AMPH: variants seen among roughly 807,000 people sequenced by gnomAD.
AMPH encodes the protein amphiphysin (Stiff-Mann syndrome with breast cancer 128kD autoantigen).
A neutral mutation model predicts 99.1 loss-of-function variants in AMPH; 49 were observed. The observed-to-expected ratio is 0.49, with a 90% CI of 0.39 to 0.63. The LOEUF (loss-of-function observed/expected upper bound fraction) is 0.63, where lower values mean the gene tolerates loss of function less well. Among genes scored for constraint, AMPH ranks in the 20% least tolerant of loss-of-function variants. The pLI, the probability that AMPH is intolerant of heterozygous loss-of-function variation, is 0.00. For synonymous variants in AMPH, 314 were observed against 317.3 expected, an observed-to-expected ratio of 0.99 and a Z score of 0.11; for missense variants, 759 against 863.4, an observed-to-expected ratio of 0.88 and a Z score of 1.52.
intron 11 of AMPH, among the ~76,000 whole-genome samples, chr7:38,456,846 C>T (rs1412152408): frequency 6.6e-6 from 1 of 152,188 alleles, no homozygotes; most frequent in African/African-American, 2.4e-5. Flanking sequence ...GAGCCAAGCA[C>T]AAGCAATGCT....
chr7:38,625,906 T>C (rs1187326525), intron 1 of AMPH, among the ~76,000 whole-genome samples: 1 of 152,158 alleles, frequency 6.6e-6, no homozygotes, highest in Non-Finnish European at 1.5e-5. Flanking sequence ...GTGCACTTTA[T>C]TCAATAAAAA....
rs1423731934 is a variant in AMPH at position 38,444,980 on chromosome 7, C to CATATATATCCATATATAT, written c.1018-8593_1018-8592insATATATATGGATATATAT. 6.6e-4 allele frequency among the ~76,000 whole-genome samples: 14 copies of CATATATATCCATATATAT among 21,284 alleles called. No homozygotes were observed. In the South Asian group the frequency reaches 6.7e-3, roughly 10 times the overall value. 14.0% of individuals were successfully genotyped at this position (21,284 alleles called of 152,430 possible). On this transcript the variant is annotated intron_variant, in intron 11 of 20. Transcript: ENST00000356264. ...TAATCACATGGTCCAGAAATATATCCATATATATACATATATATATATATA... is the reference window on the plus strand; with the variant it reads ...TAATCACATGGTCCAGAAATATATCCATATATATCCATATATATATATATATACATATATATATATATA...
At chr7:38,597,546 TA>T (rs1363877353) in intron 1 of AMPH, among the ~76,000 whole-genome samples, 1 of 152,166 alleles carries the variant, frequency 6.6e-6, no homozygotes, top group African/African-American at 2.4e-5. Flanking sequence ...CAGAATTAAA[TA>T]CTGTATACAT....
At chr7:38,421,608 T>C (rs772742891) in intron 16 of AMPH, among the ~76,000 whole-genome samples, 13 of 152,326 alleles carry the variant, frequency 8.5e-5, no homozygotes, top group Non-Finnish European at 1.8e-4. Context: ...TTACTTAAAA[T>C]AGTTTAAAAG....
intron 4 of AMPH, 92 bp downstream of exon 4, chr7:38,494,341 G>T: frequency 9.4e-7 from 1 of 1,059,230 alleles, no homozygotes. Flanking sequence ...CTTGCCTCAT[G>T]ATTAAGACTG....
At chr7:38,407,072 ATATATG>A (rs1425422745) in intron 17 of AMPH, among the ~76,000 whole-genome samples, 3 of 32,128 alleles carry the variant, frequency 9.3e-5, no homozygotes, top group Non-Finnish European at 1.2e-4. Context: ...ATATATATAT[ATATATG>A]TGTGTGTGTG....
intron 1 of AMPH, among the ~76,000 whole-genome samples, chr7:38,616,664 A>G (rs1793882809): frequency 6.6e-6 from 1 of 152,264 alleles, no homozygotes. Flanking sequence ...CAATAAAAAA[A>G]GAAGGAACTG....
chr7:38,575,328 T>C (rs1396085402), intron 1 of AMPH, among the ~76,000 whole-genome samples: 1 of 151,966 alleles, frequency 6.6e-6, no homozygotes, highest in Non-Finnish European at 1.5e-5. Context: ...TTTATGAATG[T>C]AGAAAATGGA....
intron 11 of AMPH, among the ~76,000 whole-genome samples, chr7:38,437,337 A>G (rs575576672): frequency 6.6e-6 from 1 of 152,260 alleles, no homozygotes; most frequent in Admixed American, 6.5e-5. Context: ...TCAATATAAA[A>G]TTCTTTTTAA....
chr7:38,386,613 G>A (rs1457247204), intron 20 of AMPH, among the ~76,000 whole-genome samples: 1 of 152,062 alleles, frequency 6.6e-6, no homozygotes, highest in East Asian at 1.9e-4. Flanking sequence ...AACTCCTTCT[G>A]GAGAGAATAA....
chr7:38,622,454 T>TACACATACAC (rs1554379701), intron 1 of AMPH, among the ~76,000 whole-genome samples: 1 of 149,732 alleles, frequency 6.7e-6, no homozygotes, highest in Non-Finnish European at 1.5e-5. Context: ...TATGAATACA[T>TACACATACAC]ACACACACAC....
At chr7:38,453,842 A>T (rs1004489027) in intron 11 of AMPH, among the ~76,000 whole-genome samples, 21 of 152,198 alleles carry the variant, frequency 1.4e-4, no homozygotes, top group Non-Finnish European at 2.8e-4. Flanking sequence ...GAGTAAGGGT[A>T]TTGTTGCCTT....
chr7:38,477,998 G>A (rs554975332), intron 5 of AMPH, among the ~76,000 whole-genome samples: 9 of 152,072 alleles, frequency 5.9e-5, no homozygotes, highest in East Asian at 1.9e-4. Flanking sequence ...GGAAACTCTC[G>A]CTCAAATCCA....
chr7:38,522,856 T>C (rs906047432), intron 2 of AMPH, among the ~76,000 whole-genome samples: 3 of 152,062 alleles, frequency 2.0e-5, no homozygotes, highest in African/African-American at 7.2e-5. Context: ...ACGCCTGTAA[T>C]CCAGCATTTT....
At chr7:38,467,146 C>A (rs1220495277) in intron 7 of AMPH, among the ~76,000 whole-genome samples, 1 of 152,168 alleles carries the variant, frequency 6.6e-6, no homozygotes, top group Non-Finnish European at 1.5e-5. Context: ...CCAGGAAGAT[C>A]AGACCAGAGC....
intron 1 of AMPH, among the ~76,000 whole-genome samples, chr7:38,594,345 G>A (rs199679234): frequency 3.3e-5 from 5 of 152,142 alleles, no homozygotes; most frequent in East Asian, 1.9e-4. Context: ...CTGATGTCCC[G>A]AAGACACTTT....
chr7:38,461,398 G>T lies in AMPH; in HGVS notation c.902C>A (p.Pro301His). 1 of 1,614,116 alleles carries T rather than the reference G, an allele frequency of 6.2e-7. No individual in the cohort carries two copies. The change falls in exon 11 of 21, where the codon CCT becomes CAT. Residue 301 changes from proline to histidine, a missense_variant. Around this residue, in one of 2 missense-constraint regions of AMPH, gnomAD observed 554 missense variants for 575.6 expected, o/e 0.96. Transcript: ENST00000356264. The part of the protein sequence containing the change: ...PRSPSQTRKG[P>H]PVPPLPKVTP... ...GACTTTAGGTAGAGGTGGGACAGGA[G>T]GCCCTTTCCTTGTCTAGGAAGCATT... is the stretch of plus-strand genomic sequence containing the variant.
chr7:38,541,466 T>C (rs1790807133), intron 1 of AMPH, among the ~76,000 whole-genome samples: 1 of 152,194 alleles, frequency 6.6e-6, no homozygotes, highest in South Asian at 2.1e-4. Context: ...CATCCTTCGG[T>C]GTGGTTCATG....
chr7:38,555,777 T>C (rs1791341192), intron 1 of AMPH, among the ~76,000 whole-genome samples: 1 of 152,230 alleles, frequency 6.6e-6, no homozygotes, highest in Non-Finnish European at 1.5e-5. Flanking sequence ...AATTATGGGT[T>C]TTCCCACTTT....
Sources: allele counts gnomAD v4.1 joint callset (sites outside exome capture counted in the v4.1 genomes callset), GRCh38; gene constraint gnomAD v4.1.1; regional missense constraint gnomAD v4.1.1; transcripts MANE v1.5; gene names NCBI Gene and HGNC (gene_info 2026-07-23, HGNC 2026-07-21).